Variants in DACH2 observed in about 807,000 individuals in gnomAD.
DACH2 encodes dachshund homolog 2.
Under a neutral mutation model 35.8 loss-of-function variants are expected in DACH2, and 17 were observed. The ratio of observed to expected loss-of-function variants is 0.48; its 90% CI spans 0.33 to 0.71. The LOEUF (loss-of-function observed/expected upper bound fraction) is 0.71, where lower values mean the gene tolerates loss of function less well. Ranked by LOEUF, DACH2 falls within the 30% of genes least tolerant of loss-of-function variation. The pLI, the probability that DACH2 is intolerant of heterozygous loss-of-function variation, is 0.02. For synonymous variants in DACH2, 195 were observed against 177.3 expected (o/e 1.10, Z -0.79); for missense variants, 469 against 472.7 (o/e 0.99, Z 0.07).
intron 3 of DACH2, among the ~76,000 whole-genome samples, chrX:86,564,036 T>C (rs1286015290): frequency 3.6e-5 from 4 of 110,984 alleles, no homozygotes; most frequent in South Asian, 7.6e-4. Context: ...TCACAGAAGA[T>C]AGTGACATTC....
At chrX:86,254,900 TAAAAG>T (rs2033487740) in intron 1 of DACH2, among the ~76,000 whole-genome samples, 1 of 102,791 alleles carries the variant, frequency 9.7e-6, no homozygotes, top group Admixed American at 1.1e-4. Context: ...GAAGAACCCA[TAAAAG>T]AAGTTTTCTG....
intron 2 of DACH2, among the ~76,000 whole-genome samples, chrX:86,418,192 T>C (rs2036741885): frequency 8.9e-6 from 1 of 111,961 alleles, no homozygotes; most frequent in Non-Finnish European, 1.9e-5. Flanking sequence ...GCATTGAGTG[T>C]CTGGGGATTT....
At chrX:86,248,865 T>C (rs769586926) in intron 1 of DACH2, among the ~76,000 whole-genome samples, 1 of 110,542 alleles carries the variant, frequency 9.0e-6, no homozygotes, top group East Asian at 2.8e-4. Context: ...TGATAGAACG[T>C]AATAGGGAAT....
intron 1 of DACH2, among the ~76,000 whole-genome samples, chrX:86,291,309 T>A (rs1258720155): frequency 1.0e-5 from 1 of 95,870 alleles, no homozygotes; most frequent in Non-Finnish European, 2.1e-5. Context: ...GCTTATCAGC[T>A]TAAGGAGATT....
intron 4 of DACH2, among the ~76,000 whole-genome samples, chrX:86,675,678 C>T (rs1024194088): frequency 1.8e-5 from 2 of 111,339 alleles, no homozygotes; most frequent in Admixed American, 9.5e-5. Context: ...GAGTGAAACA[C>T]TGTCTCGAAA....
At chrX:86,775,122 G>C (rs2042019642) in intron 7 of DACH2, among the ~76,000 whole-genome samples, 1 of 111,911 alleles carries the variant, frequency 8.9e-6, no homozygotes, top group South Asian at 3.8e-4. Flanking sequence ...CAAATGACTA[G>C]TAAAGGCAAT....
intron 1 of DACH2, among the ~76,000 whole-genome samples, chrX:86,185,921 T>C (rs1230806410): frequency 1.8e-5 from 2 of 112,374 alleles, no homozygotes; most frequent in East Asian, 2.8e-4. Context: ...ATAATTTCTA[T>C]TGAGCATCAT....
At chrX:86,749,766 G>A (rs1292482480) in intron 7 of DACH2, among the ~76,000 whole-genome samples, 1 of 111,468 alleles carries the variant, frequency 9.0e-6, no homozygotes, top group Non-Finnish European at 1.9e-5. Context: ...CATTTAGTTT[G>A]TAAAAAATAT....
intron 1 of DACH2, among the ~76,000 whole-genome samples, chrX:86,330,833 G>C (rs950897055): frequency 9.0e-6 from 1 of 111,437 alleles, no homozygotes; most frequent in Non-Finnish European, 1.9e-5. Flanking sequence ...AAAATGAAAA[G>C]TATTTTCCCA....
intron 1 of DACH2, among the ~76,000 whole-genome samples, chrX:86,323,265 G>T (rs2035050264): frequency 1.8e-5 from 2 of 112,331 alleles, no homozygotes; most frequent in Admixed American, 9.4e-5. Context: ...AGTTTGACTG[G>T]GCAGTGCTGT....
At chrX:86,751,195 T>A (rs1327593273) in intron 7 of DACH2, among the ~76,000 whole-genome samples, 1 of 110,701 alleles carries the variant, frequency 9.0e-6, no homozygotes, top group East Asian at 2.8e-4. Context: ...CAAGCCAATA[T>A]CCTTGATAAA....
At chrX:86,664,760 G>A (rs759973222) in intron 4 of DACH2, among the ~76,000 whole-genome samples, 2 of 112,174 alleles carry the variant, frequency 1.8e-5, no homozygotes, top group Non-Finnish European at 3.8e-5. Flanking sequence ...TTCTGCTTGA[G>A]TTGAAAAGAA....
At chrX:86,153,181 A>G (rs1185554409) in intron 1 of DACH2, among the ~76,000 whole-genome samples, 1 of 111,421 alleles carries the variant, frequency 9.0e-6, no homozygotes, top group African/African-American at 3.2e-5. Flanking sequence ...ACAAGAAAGT[A>G]TGATTAAGAA....
intron 7 of DACH2, among the ~76,000 whole-genome samples, chrX:86,777,050 G>A (rs188455110): frequency 2.7e-5 from 3 of 111,316 alleles, no homozygotes; most frequent in East Asian, 5.6e-4. Flanking sequence ...GTAAACATAC[G>A]TGTGCATGTG....
intron 2 of DACH2, among the ~76,000 whole-genome samples, chrX:86,405,971 T>A (rs922735848): frequency 1.8e-5 from 2 of 110,768 alleles, no homozygotes; most frequent in Non-Finnish European, 3.8e-5. Flanking sequence ...AACCATCAGA[T>A]CTCATGATAA....
At chrX:86,725,632 C>A (rs2041458926) in intron 6 of DACH2, among the ~76,000 whole-genome samples, 1 of 111,148 alleles carries the variant, frequency 9.0e-6, no homozygotes, top group African/African-American at 3.3e-5. Flanking sequence ...AGTTCGTGGG[C>A]CTCCAGGTAG....
intron 7 of DACH2, among the ~76,000 whole-genome samples, chrX:86,760,800 CTG>C (rs2041872893): frequency 9.5e-6 from 1 of 105,653 alleles, no homozygotes; most frequent in African/African-American, 3.5e-5. Flanking sequence ...TTTTTTTTTC[CTG>C]TGTCCTTAGG....
At chrX:86,514,233 A>G in intron 2 of DACH2, 46 bp from the exon 3 acceptor site, 1 of 1,089,119 alleles carries the variant, frequency 9.2e-7, no homozygotes, top group Non-Finnish European at 1.3e-6. Flanking sequence ...TTTCTCAAAA[A>G]GAGTACATTT....
intron 7 of DACH2, among the ~76,000 whole-genome samples, chrX:86,794,566 T>C (rs1421512430): frequency 9.0e-6 from 1 of 110,757 alleles, no homozygotes; most frequent in East Asian, 2.8e-4. Flanking sequence ...TAAAAAATAA[T>C]TACCTGGGAC....
Sources: allele counts gnomAD v4.1 joint callset (sites outside exome capture counted in the v4.1 genomes callset), GRCh38; gene constraint gnomAD v4.1.1; transcripts MANE v1.5; gene names NCBI Gene and HGNC (gene_info 2026-07-23, HGNC 2026-07-21).